NEDD9: variants seen among roughly 807,000 people sequenced by gnomAD.
The protein encoded by NEDD9 is enhancer of filamentation 1.
In NEDD9, 26 loss-of-function variants were observed where a neutral mutation model predicts 76.6. That is an observed-to-expected ratio of 0.34 (90% CI 0.25 to 0.47). The LOEUF (loss-of-function observed/expected upper bound fraction) is 0.47, where lower values mean the gene tolerates loss of function less well. Ranked by LOEUF, NEDD9 falls within the 20% of genes least tolerant of loss-of-function variation. The pLI is 1.00. For synonymous variants in NEDD9, 392 were observed against 414.2 expected, an observed-to-expected ratio of 0.95 and a Z score of 0.65; for missense variants, 937 against 1,058.5, an observed-to-expected ratio of 0.89 and a Z score of 1.59.
intron 1 of NEDD9, among the ~76,000 whole-genome samples, chr6:11,350,353 T>C (rs1215326057): frequency 6.6e-6 from 1 of 152,240 alleles, no homozygotes; most frequent in Non-Finnish European, 1.5e-5. Context: ...CAAAGTCTTG[T>C]ATCATCTGGG....
At chr6:11,277,256 T>C (rs893343907) in intron 3 of NEDD9, among the ~76,000 whole-genome samples, 13 of 152,222 alleles carry the variant, frequency 8.5e-5, no homozygotes, top group African/African-American at 2.7e-4. Context: ...CACTGAGTAC[T>C]TGATAGGTAG....
At chr6:11,291,592 C>T (rs561739525) in intron 3 of NEDD9, among the ~76,000 whole-genome samples, 5 of 152,116 alleles carry the variant, frequency 3.3e-5, no homozygotes, top group African/African-American at 9.6e-5. Context: ...ATTTTTAACA[C>T]GAGCAGGAAG....
chr6:11,301,586 A>G (rs1426435217), intron 3 of NEDD9, among the ~76,000 whole-genome samples: 1 of 152,218 alleles, frequency 6.6e-6, no homozygotes, highest in Non-Finnish European at 1.5e-5. Context: ...ACCACATTGC[A>G]CTTATTCTAA....
intron 2 of NEDD9, among the ~76,000 whole-genome samples, chr6:11,194,925 C>A (rs1209581629): frequency 1.3e-5 from 2 of 152,194 alleles, no homozygotes; most frequent in Non-Finnish European, 2.9e-5. Flanking sequence ...TTCTGCCTAA[C>A]CCCCACCCTT....
intron 3 of NEDD9, among the ~76,000 whole-genome samples, chr6:11,285,474 G>T (rs951036159): frequency 6.6e-6 from 1 of 151,836 alleles, no homozygotes; most frequent in African/African-American, 2.4e-5. Context: ...GCTTTTTTTT[G>T]TAGAAATGAA....
chr6:11,362,481 A>C (rs1012661980), intron 1 of NEDD9, among the ~76,000 whole-genome samples: 40 of 152,070 alleles, frequency 2.6e-4, no homozygotes, highest in Admixed American at 2.1e-3. Context: ...AGTAGCAACC[A>C]GGGCTACCAT....
intron 1 of NEDD9, among the ~76,000 whole-genome samples, chr6:11,335,961 G>GAGA (rs60733188): frequency 0.035 from 5,273 of 152,228 alleles, 210 homozygotes; most frequent in African/African-American, 0.096. Context: ...TCAGAAGCTC[G>GAGA]TCTGCACTTG....
intron 3 of NEDD9, among the ~76,000 whole-genome samples, chr6:11,290,660 A>G (rs918715653): frequency 8.5e-5 from 13 of 152,142 alleles, no homozygotes; most frequent in African/African-American, 3.1e-4. Context: ...TCGAGACCAA[A>G]TGAGCCCTTT....
At chr6:11,281,939 A>G (rs1049861442) in intron 3 of NEDD9, among the ~76,000 whole-genome samples, 11 of 151,502 alleles carry the variant, frequency 7.3e-5, no homozygotes, top group African/African-American at 2.7e-4. Context: ...GGGTTTTGCC[A>G]TATTGGCCAG....
chr6:11,317,161 G>A (rs1156312754), intron 2 of NEDD9, among the ~76,000 whole-genome samples: 3 of 152,138 alleles, frequency 2.0e-5, no homozygotes, highest in Non-Finnish European at 1.5e-5. Context: ...GGCCAGGCAC[G>A]GTGACTCACA....
intron 1 of NEDD9, among the ~76,000 whole-genome samples, chr6:11,361,574 C>G (rs1762680325): frequency 6.6e-6 from 1 of 152,122 alleles, no homozygotes; most frequent in Admixed American, 6.5e-5. Context: ...ATCCAAACAC[C>G]TCCTACCAGG....
chr6:11,316,791 C>T (rs1761577609), intron 2 of NEDD9, among the ~76,000 whole-genome samples: 1 of 152,076 alleles, frequency 6.6e-6, no homozygotes, highest in South Asian at 2.1e-4. Context: ...CAAGGAGAAC[C>T]GAAAGAGCAT....
rs117980400 is a variant in NEDD9 at position 11,380,861 on chromosome 6, T to C, written c.-214+1278A>G. Among the ~76,000 whole-genome samples, 53 of 152,230 alleles carry C rather than the reference T, an allele frequency of 3.5e-4. 2 individuals are homozygous for C. The East Asian group carries it at 7.5e-3, about 22-fold the overall frequency. On this transcript the variant is annotated intron_variant, in intron 1 of 3. Coordinates refer to the NEDD9 transcript ENST00000397378. The stretch of plus-strand genomic sequence containing the variant: ...TCTCACTCTGTCACCCAAGCTGCAG[T>C]GCAGTGGTGCAATCATAGCTCACTG...
chr6:11,337,766 A>G (rs776705461), intron 1 of NEDD9, among the ~76,000 whole-genome samples: 2 of 152,210 alleles, frequency 1.3e-5, no homozygotes, highest in Non-Finnish European at 2.9e-5. Flanking sequence ...TGGGGAGGGA[A>G]GAGCAGGGGA....
At chr6:11,293,262 A>G (rs1760818466) in intron 3 of NEDD9, among the ~76,000 whole-genome samples, 3 of 151,768 alleles carry the variant, frequency 2.0e-5, no homozygotes, top group Admixed American at 2.0e-4. Flanking sequence ...CATTTTGCAC[A>G]GGAGAAATTG....
chr6:11,320,218 C>T (rs1481171527), intron 2 of NEDD9, among the ~76,000 whole-genome samples: 2 of 152,176 alleles, frequency 1.3e-5, no homozygotes, highest in African/African-American at 4.8e-5. Flanking sequence ...CAAAAAAATC[C>T]TAATTCATTA....
At chr6:11,207,942 C>T (rs1439555774) in intron 2 of NEDD9, among the ~76,000 whole-genome samples, 1 of 152,204 alleles carries the variant, frequency 6.6e-6, no homozygotes, top group African/African-American at 2.4e-5. Context: ...CTTTGGGAAC[C>T]TGAAGCGGGC....
intron 1 of NEDD9, among the ~76,000 whole-genome samples, chr6:11,224,167 C>T (rs35970354): frequency 2.0e-5 from 3 of 152,136 alleles, no homozygotes; most frequent in African/African-American, 4.8e-5. Flanking sequence ...GGCTGAATTT[C>T]GGATTTGGGA....
chr6:11,314,013 AT>A (rs1036761517), intron 2 of NEDD9, among the ~76,000 whole-genome samples: 1 of 152,138 alleles, frequency 6.6e-6, no homozygotes, highest in East Asian at 1.9e-4. Context: ...AATAAAATTT[AT>A]TTTTTTCTAG....
Sources: gnomAD v4.1 joint callset for allele counts (sites outside exome capture counted in the v4.1 genomes callset) on GRCh38, gnomAD v4.1.1 for gene constraint, MANE v1.5 for transcripts, NCBI Gene and HGNC (gene_info 2026-07-23, HGNC 2026-07-21) for gene names.